The following ZNF469 variants were observed in gnomAD, a reference collection of about 807,000 sequenced individuals.
ZNF469 encodes zinc finger protein 469.
A neutral mutation model predicts 1.0 loss-of-function variants in ZNF469; 1 was observed. That is an observed-to-expected ratio of 1.00 (90% CI 0.35 to 4.73). The LOEUF (loss-of-function observed/expected upper bound fraction) is 4.73, where lower values mean the gene tolerates loss of function less well. ZNF469 is among the 30% of genes most tolerant of loss of function. The pLI is 0.16. For missense variants in ZNF469, 6,100 were observed against 5,356.3 expected, an observed-to-expected ratio of 1.14 and a Z score of -4.33; for synonymous variants, 2,703 against 2,363.4, an observed-to-expected ratio of 1.14 and a Z score of -4.17.
the ZNF469 span, among the ~76,000 whole-genome samples, chr16:88,335,358 G>A: frequency 1.8e-4 from 27 of 152,212 alleles, no homozygotes; most frequent in Non-Finnish European, 3.2e-4. Context: ...GCTCCACATG[G>A]TGTGGATGAG....
the ZNF469 span, among the ~76,000 whole-genome samples, chr16:88,292,421 C>A: frequency 6.6e-6 from 1 of 152,186 alleles, no homozygotes; most frequent in South Asian, 2.1e-4. Context: ...TAGGCCTCCA[C>A]CCTCCCATCT....
the ZNF469 span, among the ~76,000 whole-genome samples, chr16:88,282,248 G>A: frequency 5.3e-5 from 8 of 152,314 alleles, no homozygotes; most frequent in East Asian, 1.4e-3. Flanking sequence ...TGGCTCCACA[G>A]GGGTGCACCT....
At chr16:88,366,995 C>T in the ZNF469 span, among the ~76,000 whole-genome samples, 1 of 151,632 alleles carries the variant, frequency 6.6e-6, no homozygotes, top group African/African-American at 2.4e-5. Context: ...CACCTCCATC[C>T]TCATTACTAG....
chr16:88,158,097 G>A, the ZNF469 span, among the ~76,000 whole-genome samples: 1 of 152,034 alleles, frequency 6.6e-6, no homozygotes, highest in African/African-American at 2.4e-5. Flanking sequence ...ATGCCTTATT[G>A]CTTGCCTGAG....
At chr16:88,141,471 C>G in the ZNF469 span, among the ~76,000 whole-genome samples, 2 of 39,248 alleles carry the variant, frequency 5.1e-5, no homozygotes, top group African/African-American at 8.7e-5. Context: ...TGCTATGAAA[C>G]GCTCAGCCTG....
the ZNF469 span, among the ~76,000 whole-genome samples, chr16:88,132,786 G>A: frequency 6.6e-6 from 1 of 152,294 alleles, no homozygotes; most frequent in South Asian, 2.1e-4. Flanking sequence ...GTCAGCCCAC[G>A]CTTCCTCTTT....
Position 88,434,431 on chromosome 16 carries a change from A to C in ZNF469, c.6961A>C (p.Arg2321=). 1 of 1,549,752 alleles carries C rather than the reference A, an allele frequency of 6.5e-7. No individual in the cohort carries two copies. The highest frequency in any genetic ancestry group is 8.7e-7 in the Non-Finnish European group (1 of 1,146,922). Residue 2321 remains arginine (R), a synonymous_variant, in exon 3 of 3, where the codon AGG becomes CGG. Coordinates refer to ENST00000565624, the MANE Select transcript of ZNF469 (RefSeq NM_001367624.2). ...RGAPPHTNPD[R]MPRGHSSYSP... is the part of the protein sequence containing the mutation. ...AGCCCCGCCCCACACCAACCCTGAC[A>C]GGATGCCCAGGGGCCACTCCTCGTA...
At chr16:88,126,640 C>T in the ZNF469 span, among the ~76,000 whole-genome samples, 79,719 of 109,312 alleles carry the variant, frequency 0.73, 31,558 homozygotes, top group Middle Eastern at 0.91. Context: ...TCTCACTTGG[C>T]GATAATATGT....
At chr16:88,149,128 A>G in the ZNF469 span, among the ~76,000 whole-genome samples, 1 of 112,416 alleles carries the variant, frequency 8.9e-6, no homozygotes, top group South Asian at 3.3e-4. Flanking sequence ...AGCTGAGCTC[A>G]CAGTCTTTCC....
At chr16:88,191,108 G>T in the ZNF469 span, among the ~76,000 whole-genome samples, 5 of 151,672 alleles carry the variant, frequency 3.3e-5, no homozygotes, top group African/African-American at 9.7e-5. Context: ...TATGAGACCA[G>T]GAGGGTGTTG....
At chr16:88,213,378 C>G in the ZNF469 span, among the ~76,000 whole-genome samples, 1 of 152,200 alleles carries the variant, frequency 6.6e-6, no homozygotes, top group African/African-American at 2.4e-5. Flanking sequence ...GGATTACAGG[C>G]ATGAGCCACC....
At position 88,432,148 on chromosome 16, in the gene ZNF469, G is replaced by A. The variant is rs1408148129; in HGVS notation, c.4678G>A (p.Asp1560Asn). The change falls in exon 3 of 3, where the codon GAT becomes AAT. Residue 1560 changes from aspartate to asparagine, a missense_variant. Asp to Asn is a conservative substitution (Grantham distance 23). Coordinates refer to ENST00000565624, the MANE Select transcript of ZNF469 (RefSeq NM_001367624.2). ...SVALMSHLSE[D>N]ELEIQKLVTE... ...TGCTCTTATGAGTCACCTGTCCGAG[G>A]ATGAACTGGAGATCCAGAAATTGGT... The A allele has an allele frequency of 1.9e-6, 3 of 1,550,260 alleles. No homozygotes were observed. The highest frequency in any genetic ancestry group is 4.9e-5 in the East Asian group (2 of 40,914).
At chr16:88,363,504 C>A in the ZNF469 span, among the ~76,000 whole-genome samples, 2 of 152,240 alleles carry the variant, frequency 1.3e-5, no homozygotes, top group African/African-American at 2.4e-5. Flanking sequence ...CTACCCCATG[C>A]ATGTGTGGCT....
At chr16:88,262,269 A>G in the ZNF469 span, among the ~76,000 whole-genome samples, 1 of 152,228 alleles carries the variant, frequency 6.6e-6, no homozygotes, top group Non-Finnish European at 1.5e-5. The surrounding 1 kb of genome is among the most constrained non-coding windows in gnomAD (Gnocchi z 4.3). Flanking sequence ...AAATAACAGA[A>G]GAACTGGACA....
chr16:88,254,033 A>G, the ZNF469 span, among the ~76,000 whole-genome samples: 3 of 151,976 alleles, frequency 2.0e-5, no homozygotes, highest in Admixed American at 1.3e-4. Context: ...GCCAAATTTA[A>G]CTTTTTTCTT....
At chr16:88,145,473 C>T in the ZNF469 span, among the ~76,000 whole-genome samples, 1 of 152,248 alleles carries the variant, frequency 6.6e-6, no homozygotes. Flanking sequence ...CTGCGAGCCT[C>T]GTGCTTGGCC....
the ZNF469 span, among the ~76,000 whole-genome samples, chr16:88,254,257 TA>T: frequency 1.3e-5 from 2 of 152,216 alleles, no homozygotes; most frequent in Admixed American, 6.5e-5. Flanking sequence ...CACCATTTAT[TA>T]AAAAGTCTTC....
At chr16:88,328,160 C>T in the ZNF469 span, among the ~76,000 whole-genome samples, 1 of 152,262 alleles carries the variant, frequency 6.6e-6, no homozygotes, top group African/African-American at 2.4e-5. Context: ...CTGTGCTTCT[C>T]GCCCGGGGCT....
the ZNF469 span, among the ~76,000 whole-genome samples, chr16:88,121,578 C>T: frequency 2.0e-5 from 3 of 152,198 alleles, no homozygotes; most frequent in South Asian, 2.1e-4. Flanking sequence ...GGCTGAAATC[C>T]GGCCCTGGGC....
Sources: allele counts gnomAD v4.1 joint callset (sites outside exome capture counted in the v4.1 genomes callset), GRCh38; gene constraint gnomAD v4.1.1; non-coding constraint Gnocchi (gnomAD v3.1); transcripts MANE v1.5; gene names NCBI Gene and HGNC (gene_info 2026-07-23, HGNC 2026-07-21).